Variants in NEDD1 observed in about 807,000 individuals in gnomAD.
The protein encoded by NEDD1 is protein NEDD1.
NEDD1 carries 33 observed loss-of-function variants against 74.0 expected under a neutral mutation model. The observed-to-expected ratio is 0.45, with a 90% CI of 0.34 to 0.60. The LOEUF (loss-of-function observed/expected upper bound fraction) is 0.60. Ranked by LOEUF, NEDD1 falls within the 20% of genes least tolerant of loss-of-function variation. The pLI, the probability that NEDD1 is intolerant of heterozygous loss-of-function variation, is 0.01. For synonymous variants in NEDD1, 250 were observed against 264.4 expected, an observed-to-expected ratio of 0.95 and a Z score of 0.53; for missense variants, 746 against 776.5, an observed-to-expected ratio of 0.96 and a Z score of 0.47.
At chr12:96,918,474 A>T (rs927259702) in intron 5 of NEDD1, among the ~76,000 whole-genome samples, 3 of 152,128 alleles carry the variant, frequency 2.0e-5, no homozygotes, top group African/African-American at 7.2e-5. Context: ...TCCATCTCCC[A>T]TGTAAGCTTC....
chr12:96,914,925 T>A (rs1274600798), intron 4 of NEDD1, among the ~76,000 whole-genome samples: 1 of 152,136 alleles, frequency 6.6e-6, no homozygotes, highest in East Asian at 1.9e-4. Flanking sequence ...CCCTTAAGAG[T>A]AATTGTAGTT....
chr12:96,932,442 TA>T lies in NEDD1; in HGVS notation c.490-2512del, dbSNP rs747225218. Among the ~76,000 whole-genome samples the T allele has an allele frequency of 5.8e-3, 62 of 10,654 alleles. 3 individuals are homozygous for T. Among genetic ancestry groups the T allele is most frequent in the African/African-American group, 0.026 (41 of 1,576 alleles). The allele number at this position is 10,654 out of a possible 152,430, so 7.0% of individuals were successfully genotyped here. The stretch of plus-strand genomic sequence containing the variant: ...GGCAAAATGGCAAAATCCTGTCTCT[TA>T]AAAAAAAAAAAAAAAAAAAAATATA... On this transcript the variant is annotated intron_variant, in intron 6 of 15. Coordinates refer to ENST00000266742, the MANE Select transcript of NEDD1 (RefSeq NM_152905.4).
At chr12:96,949,502 A>G (rs1802454743) in intron 14 of NEDD1, among the ~76,000 whole-genome samples, 2 of 152,174 alleles carry the variant, frequency 1.3e-5, no homozygotes, top group Non-Finnish European at 2.9e-5. Flanking sequence ...AGTAGATTGA[A>G]TGCAATTCCA....
intron 6 of NEDD1, among the ~76,000 whole-genome samples, chr12:96,923,066 C>G (rs1177037343): frequency 6.6e-6 from 1 of 151,948 alleles, no homozygotes; most frequent in African/African-American, 2.4e-5. Context: ...GCAGTGAGTT[C>G]TGATTGTGCC....
At chr12:96,917,510 TATTTA>T in intron 4 of NEDD1, 106 bp from the exon 5 acceptor site, 2 of 1,206,270 alleles carry the variant, frequency 1.7e-6, no homozygotes, top group Non-Finnish European at 2.2e-6. Flanking sequence ...ATGTTTATAG[TATTTA>T]ATTTAACCAA....
In NEDD1 at chr12:96,943,643, A is replaced by T. The variant is rs1050517522; in HGVS notation, c.1378A>T (p.Ser460Cys). 1.2e-6 allele frequency: 2 copies of T among 1,610,844 alleles called. No individual in the cohort carries two copies. Among genetic ancestry groups the T allele is most frequent in the African/African-American group, 2.7e-5 (2 of 74,980 alleles). Reference protein sequence around the residue: ...VTSSTSVLHSSPLNVFMGSPG... With the variant: ...VTSSTSVLHSCPLNVFMGSPG... ...TTCAAGTACTTCAGTATTGCATTCT[A>T]GTCCTCTTAATGTTTTTATGGGATC... is the stretch of plus-strand genomic sequence containing the variant. The change falls in exon 12 of 16, where the codon AGT becomes TGT. Residue 460 changes from serine to cysteine, a missense_variant. Ser to Cys is a moderately radical substitution (Grantham distance 112). This residue lies in a region of NEDD1 where 706 missense variants were observed against 706.7 expected (regional missense o/e 1.00). Coordinates refer to ENST00000266742, the MANE Select transcript of NEDD1 (RefSeq NM_152905.4).
chr12:96,911,504 T>A (rs771100884), intron 3 of NEDD1, among the ~76,000 whole-genome samples: 6 of 152,306 alleles, frequency 3.9e-5, no homozygotes, highest in African/African-American at 7.2e-5. Context: ...TTCCCAGCCT[T>A]AGCAACTTGG....
chr12:96,917,727 G>A lies in NEDD1; in HGVS notation c.338G>A (p.Arg113Gln), dbSNP rs563796289. The A allele has an allele frequency of 5.8e-6, 9 of 1,554,730 alleles. No homozygotes were observed. In the African/African-American group the frequency reaches 7.1e-5, roughly 12 times the overall value. The part of the protein sequence containing the change: ...IWDLKSKRVH[R>Q]SLKDHKDQVT... Reference sequence around the variant, plus strand: ...GATTTAAAATCAAAAAGAGTTCATCGATCTCTTAAGGTAAGCAATTTAAAA... The same window carrying A: ...GATTTAAAATCAAAAAGAGTTCATCAATCTCTTAAGGTAAGCAATTTAAAA... Residue 113 changes from arginine to glutamine, a missense_variant, in exon 5 of 16, where the codon CGA becomes CAA. By Grantham distance (43) the Arg-to-Gln change is conservative. Coordinates refer to ENST00000266742, the MANE Select transcript of NEDD1 (RefSeq NM_152905.4).
intron 6 of NEDD1, among the ~76,000 whole-genome samples, chr12:96,929,897 A>C (rs1876191169): frequency 6.6e-6 from 1 of 151,994 alleles, no homozygotes; most frequent in African/African-American, 2.4e-5. Context: ...GAGGTTGTAA[A>C]ATTGGCCACC....
chr12:96,943,305 T>C lies in NEDD1; in HGVS notation c.1295-255T>C, dbSNP rs145054077. On this transcript the variant is annotated intron_variant, in intron 11 of 15. Transcript: ENST00000266742. ...GTTTTCAAAGTATTTTCACAAATAA[T>C]ATCTTTGAAGCCTTACCACTCTGGG... 2.5e-3 allele frequency among the ~76,000 whole-genome samples: 375 copies of C among 152,292 alleles called. 1 individual carries two copies. The highest frequency in any genetic ancestry group is 8.7e-3 in the African/African-American group (363 of 41,568).
At chr12:96,917,763 T>G (rs4762339) in intron 5 of NEDD1, 26 bp downstream of exon 5, 2 of 1,535,392 alleles carry the variant, frequency 1.3e-6, no homozygotes, top group East Asian at 2.5e-5. Flanking sequence ...AAAATCTTCA[T>G]GAAAAAATGG....
chr12:96,953,574 A>G lies in NEDD1; in HGVS notation c.*1521A>G, dbSNP rs982366631. 1.3e-5 allele frequency: 2 copies of G among 151,758 alleles called. No individual in the cohort carries two copies. The highest frequency in any genetic ancestry group is 4.8e-5 in the African/African-American group (2 of 41,296). 9.4% of individuals were successfully genotyped at this position (151,758 alleles called of 1,614,324 possible). On this transcript the variant is annotated 3_prime_UTR_variant, in exon 16 of 16. Coordinates refer to ENST00000266742, the MANE Select transcript of NEDD1 (RefSeq NM_152905.4). ...TTAAAAAAATAAATACACATAATGT[A>G]TATTAAAAGAGGTGGGATGAAATAA...
intron 4 of NEDD1, among the ~76,000 whole-genome samples, chr12:96,913,266 C>A (rs1874107134): frequency 6.6e-6 from 1 of 152,148 alleles, no homozygotes. Context: ...TACTGAGGGG[C>A]CTGTCTGAGC....
rs374308635 is a variant in NEDD1, at chr12:96,917,338, C to T, written c.232-283C>T. On this transcript the variant is annotated intron_variant, in intron 4 of 15. Coordinates refer to ENST00000266742, the MANE Select transcript of NEDD1 (RefSeq NM_152905.4). The stretch of plus-strand genomic sequence containing the variant: ...GGGCAAACAAGCCCTGATGGGAGAC[C>T]AGGACTGCCAGTGTTTTCTAAGCTT... 6.8e-4 allele frequency among the ~76,000 whole-genome samples: 103 copies of T among 152,174 alleles called. 1 individual carries two copies. The highest frequency in any genetic ancestry group is 2.3e-3 in the African/African-American group (97 of 41,516).
chr12:96,914,083 A>G (rs1182491947), intron 4 of NEDD1, among the ~76,000 whole-genome samples: 5 of 152,158 alleles, frequency 3.3e-5, no homozygotes. Context: ...AGTTTGAGGC[A>G]CTCTGTTTAA....
At chr12:96,929,341 TCTTAATGTCTTGTATTTTTTTTTTC>T (rs199614751) in intron 6 of NEDD1, among the ~76,000 whole-genome samples, 66,049 of 143,806 alleles carry the variant, frequency 0.46, 15,499 homozygotes, top group East Asian at 0.53. Flanking sequence ...ATGTTTTTTT[TCTTAATGTCTTGTATTTTTTTTTTC>T]CTTAATGTCT....
chr12:96,944,391 C>T (rs184163511), intron 12 of NEDD1, among the ~76,000 whole-genome samples: 2 of 151,890 alleles, frequency 1.3e-5, no homozygotes, highest in Admixed American at 6.6e-5. Context: ...TTAAATGATA[C>T]TTAACAGCAG....
chr12:96,940,180 T>G (rs769307614), intron 9 of NEDD1, among the ~76,000 whole-genome samples: 9 of 152,054 alleles, frequency 5.9e-5, no homozygotes, highest in Non-Finnish European at 8.8e-5. Flanking sequence ...TGAGGAACCT[T>G]TTGTTCCATG....
chr12:96,949,476 T>G (rs1229286658), intron 14 of NEDD1, among the ~76,000 whole-genome samples: 4 of 152,138 alleles, frequency 2.6e-5, no homozygotes, highest in Non-Finnish European at 5.9e-5. Context: ...AAGATATTAG[T>G]TCACCTAAAT....
Sources: allele counts gnomAD v4.1 joint callset (sites outside exome capture counted in the v4.1 genomes callset), GRCh38; gene constraint gnomAD v4.1.1; regional missense constraint gnomAD v4.1.1; transcripts MANE v1.5; gene names NCBI Gene and HGNC (gene_info 2026-07-23, HGNC 2026-07-21).